Variants in RGS6 observed in about 807,000 individuals in gnomAD.
The protein encoded by RGS6 is regulator of G-protein signaling 6.
Under a neutral mutation model 78.5 loss-of-function variants are expected in RGS6, and 30 were observed. That is an observed-to-expected ratio of 0.38 (90% confidence interval 0.29 to 0.52). RGS6 has a LOEUF of 0.52. Among genes scored for constraint, RGS6 ranks in the 20% least tolerant of loss-of-function variants. The pLI is 0.85. For synonymous variants in RGS6, 206 were observed against 206.0 expected (o/e 1.00, Z 0.00); for missense variants, 495 against 609.7 (o/e 0.81, Z 1.98).
intron 2 of RGS6, among the ~76,000 whole-genome samples, chr14:71,979,745 G>C (rs1321430856): frequency 6.6e-6 from 1 of 152,154 alleles, no homozygotes; most frequent in African/African-American, 2.4e-5. Context: ...CTGTTGATTT[G>C]GGGTGGAGAG....
intron 17 of RGS6, among the ~76,000 whole-genome samples, chr14:72,560,113 T>A (rs1333689829): frequency 6.6e-6 from 1 of 151,832 alleles, no homozygotes; most frequent in Non-Finnish European, 1.5e-5. Context: ...AGTGATTTTT[T>A]TTTTCCCATC....
chr14:71,962,976 A>G (rs1208998750), intron 1 of RGS6, among the ~76,000 whole-genome samples: 2 of 152,178 alleles, frequency 1.3e-5, no homozygotes, highest in South Asian at 2.1e-4. Context: ...ATTTTGTGCA[A>G]ATAACCCAGG....
At chr14:72,167,246 G>A (rs2096940724) in intron 2 of RGS6, among the ~76,000 whole-genome samples, 1 of 152,208 alleles carries the variant, frequency 6.6e-6, no homozygotes, top group African/African-American at 2.4e-5. Flanking sequence ...CTGACTGTGG[G>A]CCAGAGATCA....
intron 15 of RGS6, among the ~76,000 whole-genome samples, chr14:72,523,348 C>G (rs377175604): frequency 3.3e-5 from 5 of 152,146 alleles, no homozygotes; most frequent in South Asian, 2.1e-4. Context: ...CGGTTTGCCT[C>G]TCTGTTAAAT....
chr14:72,613,128 C>T, the RGS6 span, among the ~76,000 whole-genome samples: 88 of 152,166 alleles, frequency 5.8e-4, 1 homozygote, highest in Admixed American at 5.2e-3. Context: ...TGCAGAGAGG[C>T]GAGCAAATGA....
At chr14:72,164,924 A>G (rs567691141) in intron 2 of RGS6, among the ~76,000 whole-genome samples, 44 of 152,284 alleles carry the variant, frequency 2.9e-4, no homozygotes, top group African/African-American at 1.1e-3. Flanking sequence ...ATTTTTTTCT[A>G]TTTATAAAAT....
chr14:72,435,918 AT>A (rs781423316), intron 3 of RGS6, among the ~76,000 whole-genome samples: 4 of 152,180 alleles, frequency 2.6e-5, no homozygotes, highest in Non-Finnish European at 4.4e-5. Context: ...AAGGTATCAT[AT>A]TCACAGTTCT....
intron 13 of RGS6, among the ~76,000 whole-genome samples, chr14:72,507,013 A>G (rs994154042): frequency 1.5e-5 from 2 of 133,518 alleles, no homozygotes; most frequent in African/African-American, 6.0e-5. Context: ...AAAAAAAAAA[A>G]AAAAAATTAG....
chr14:72,422,675 A>G (rs2094247942), intron 3 of RGS6, among the ~76,000 whole-genome samples: 1 of 152,166 alleles, frequency 6.6e-6, no homozygotes, highest in Non-Finnish European at 1.5e-5. Context: ...TGTCCCCATG[A>G]GAGTGGGTGT....
chr14:72,285,599 T>C (rs1035973632), intron 2 of RGS6, among the ~76,000 whole-genome samples: 1 of 152,204 alleles, frequency 6.6e-6, no homozygotes, highest in African/African-American at 2.4e-5. Context: ...CATACTGCTT[T>C]CCATAGCAGC....
At chr14:72,184,369 A>AACACACACACACACACACACAC (rs10638767) in intron 2 of RGS6, among the ~76,000 whole-genome samples, 25 of 141,372 alleles carry the variant, frequency 1.8e-4, no homozygotes, top group African/African-American at 4.8e-4. Flanking sequence ...TTTACTTTCA[A>AACACACACACACACACACACAC]ACACACACAC....
chr14:72,054,596 G>A (rs1042128260), intron 2 of RGS6, among the ~76,000 whole-genome samples: 2 of 151,960 alleles, frequency 1.3e-5, no homozygotes, highest in East Asian at 1.9e-4. Context: ...AACTGTCCAC[G>A]CATGATCTCC....
At chr14:72,451,971 C>T (rs1444728887) in intron 3 of RGS6, among the ~76,000 whole-genome samples, 1 of 152,138 alleles carries the variant, frequency 6.6e-6, no homozygotes, top group Non-Finnish European at 1.5e-5. Context: ...AGGATGGTCT[C>T]AAACTCCTGA....
At chr14:72,223,666 A>G (rs919469403) in intron 2 of RGS6, among the ~76,000 whole-genome samples, 2 of 152,256 alleles carry the variant, frequency 1.3e-5, no homozygotes, top group Non-Finnish European at 1.5e-5. Flanking sequence ...AGGTCAGATG[A>G]GTCTTATTCC....
At chr14:72,284,100 C>G (rs959487897) in intron 2 of RGS6, among the ~76,000 whole-genome samples, 1 of 152,162 alleles carries the variant, frequency 6.6e-6, no homozygotes, top group East Asian at 1.9e-4. Context: ...AGCAGCAAAC[C>G]ATTCAAGATG....
chr14:72,239,154 C>T lies in RGS6; in HGVS notation c.85-112941C>T, dbSNP rs139813294. ...CCTGAAGGTCAAGAGCCCCGTTTAA[C>T]GGTGATGCTAGGACTTTCTAGGATT... On this transcript the variant is annotated intron_variant, in intron 2 of 17. Coordinates refer to ENST00000553525, the MANE Select transcript of RGS6 (RefSeq NM_001204424.2). Among the ~76,000 whole-genome samples the T allele has an allele frequency of 2.9e-3, 434 of 152,112 alleles. 3 individuals are homozygous for T. The highest frequency in any genetic ancestry group is 1.0e-2 in the African/African-American group (415 of 41,556).
At chr14:72,096,455 C>A (rs2095410186) in intron 2 of RGS6, among the ~76,000 whole-genome samples, 1 of 152,164 alleles carries the variant, frequency 6.6e-6, no homozygotes, top group South Asian at 2.1e-4. Context: ...CTCAATTGGG[C>A]TACAAATGTC....
chr14:72,358,787 G>A (rs1322647293), intron 3 of RGS6, among the ~76,000 whole-genome samples: 1 of 152,280 alleles, frequency 6.6e-6, no homozygotes, highest in East Asian at 1.9e-4. Context: ...GATTTTGGGG[G>A]ACTGTTGGGA....
intron 2 of RGS6, among the ~76,000 whole-genome samples, chr14:72,169,380 CTTT>C (rs988304757): frequency 1.4e-4 from 22 of 152,328 alleles, no homozygotes; most frequent in African/African-American, 5.3e-4. Flanking sequence ...GAGAAGGAAA[CTTT>C]TAGAGAGTCC....
Sources: gnomAD v4.1 joint callset for allele counts (sites outside exome capture counted in the v4.1 genomes callset) on GRCh38, gnomAD v4.1.1 for gene constraint, MANE v1.5 for transcripts, NCBI Gene and HGNC (gene_info 2026-07-23, HGNC 2026-07-21) for gene names.